Variants in DPP10 observed in about 807,000 individuals in gnomAD.
The protein encoded by DPP10 is inactive dipeptidyl peptidase 10.
A neutral mutation model predicts 120.9 loss-of-function variants in DPP10; 33 were observed. That is an observed-to-expected ratio of 0.27 (90% CI 0.21 to 0.37). The LOEUF is 0.37. Among genes scored for constraint, DPP10 ranks in the 10% least tolerant of loss-of-function variants. The pLI is 1.00. For synonymous variants in DPP10, 337 were observed against 326.1 expected (o/e 1.03, Z -0.36); for missense variants, 816 against 942.8 (o/e 0.87, Z 1.76).
chr2:115,338,007 TTTAG>T (rs2063247908), intron 2 of DPP10, among the ~76,000 whole-genome samples: 1 of 152,048 alleles, frequency 6.6e-6, no homozygotes, highest in Admixed American at 6.6e-5. Flanking sequence ...AAGGGTTGGT[TTTAG>T]AATAAGTTCC....
At chr2:115,243,725 A>G (rs2058393636) in intron 1 of DPP10, among the ~76,000 whole-genome samples, 1 of 151,906 alleles carries the variant, frequency 6.6e-6, no homozygotes, top group African/African-American at 2.4e-5. Flanking sequence ...CATTAGCTCA[A>G]GATGTTGACT....
intron 1 of DPP10, among the ~76,000 whole-genome samples, chr2:115,227,186 T>C (rs1300574865): frequency 6.6e-6 from 1 of 152,182 alleles, no homozygotes; most frequent in African/African-American, 2.4e-5. Flanking sequence ...TCAAATTGCA[T>C]GTATCCTTCC....
intron 1 of DPP10, among the ~76,000 whole-genome samples, chr2:114,753,907 T>TCAAA (rs1488431420): frequency 7.5e-5 from 3 of 40,096 alleles, no homozygotes; most frequent in African/African-American, 3.0e-4. Context: ...AGACTCCTTC[T>TCAAA]CAAAAAAAAA....
intron 5 of DPP10, chr2:115,580,388 A>G (rs1041678919): frequency 3.3e-5 from 5 of 152,216 alleles, no homozygotes; most frequent in African/African-American, 7.2e-5. Context: ...CCAATTGATC[A>G]TTATAATCAA....
At chr2:114,854,954 A>T (rs188438558) in intron 1 of DPP10, among the ~76,000 whole-genome samples, 1 of 152,308 alleles carries the variant, frequency 6.6e-6, no homozygotes, top group Admixed American at 6.5e-5. Flanking sequence ...ATTCAGAAAG[A>T]TCACAATCTG....
intron 1 of DPP10, chr2:115,144,222 A>G (rs959581922): frequency 6.6e-6 from 1 of 152,178 alleles, no homozygotes; most frequent in African/African-American, 2.4e-5. Flanking sequence ...GGAAACACCA[A>G]TGCAACAGAA....
intron 13 of DPP10, among the ~76,000 whole-genome samples, chr2:115,774,339 T>C (rs1180230863): frequency 6.6e-6 from 1 of 152,096 alleles, no homozygotes; most frequent in East Asian, 1.9e-4. Flanking sequence ...GTTTCTTCAC[T>C]TTTTTAATGT....
chr2:114,720,981 C>T (rs1464797735), intron 1 of DPP10, among the ~76,000 whole-genome samples: 1 of 152,196 alleles, frequency 6.6e-6, no homozygotes, highest in Non-Finnish European at 1.5e-5. Flanking sequence ...GAAAACTACC[C>T]AAATTGCAGC....
At chr2:114,767,303 T>A (rs548447563) in intron 1 of DPP10, among the ~76,000 whole-genome samples, 7 of 143,374 alleles carry the variant, frequency 4.9e-5, no homozygotes, top group Non-Finnish European at 1.1e-4. Flanking sequence ...TATATATATA[T>A]AAATATATAA....
At chr2:115,602,458 T>TC (rs1251222512) in intron 5 of DPP10, among the ~76,000 whole-genome samples, 4 of 152,236 alleles carry the variant, frequency 2.6e-5, no homozygotes, top group Non-Finnish European at 5.9e-5. Flanking sequence ...TACTTCTGTG[T>TC]CCTATAAAGG....
intron 1 of DPP10, among the ~76,000 whole-genome samples, chr2:115,282,512 A>G (rs2060200314): frequency 6.6e-6 from 1 of 152,092 alleles, no homozygotes; most frequent in Non-Finnish European, 1.5e-5. Flanking sequence ...CTTACATTTT[A>G]TACTTATAAT....
chr2:114,844,122 T>C (rs1280071877), intron 1 of DPP10, among the ~76,000 whole-genome samples: 1 of 152,078 alleles, frequency 6.6e-6, no homozygotes, highest in Non-Finnish European at 1.5e-5. Flanking sequence ...TTCTTCCCTA[T>C]TTTGTCCTTT....
At chr2:115,306,323 G>A (rs1428900131) in intron 1 of DPP10, among the ~76,000 whole-genome samples, 1 of 152,060 alleles carries the variant, frequency 6.6e-6, no homozygotes, top group Non-Finnish European at 1.5e-5. Context: ...TATGAAAGGG[G>A]TTGGATGGAA....
At chr2:115,381,404 C>G (rs942080922) in intron 3 of DPP10, among the ~76,000 whole-genome samples, 10 of 152,210 alleles carry the variant, frequency 6.6e-5, no homozygotes, top group Non-Finnish European at 1.0e-4. Context: ...TCAGCTCCAT[C>G]AGCTCCTTTA....
intron 3 of DPP10, among the ~76,000 whole-genome samples, chr2:115,344,135 CAA>C (rs751004918): frequency 9.1e-4 from 45 of 49,270 alleles, no homozygotes; most frequent in Admixed American, 1.5e-3. Flanking sequence ...GACTCCATCT[CAA>C]AAAAAAAAAA....
At chr2:115,206,578 C>A (rs912403480) in intron 1 of DPP10, among the ~76,000 whole-genome samples, 16 of 152,086 alleles carry the variant, frequency 1.1e-4, no homozygotes, top group African/African-American at 3.9e-4. Flanking sequence ...CATATTTGTT[C>A]TACAGAAGAC....
chr2:115,295,240 T>C (rs942078627), intron 1 of DPP10, among the ~76,000 whole-genome samples: 7 of 151,994 alleles, frequency 4.6e-5, no homozygotes, highest in Non-Finnish European at 8.8e-5. Context: ...ATTGCCTTAC[T>C]CACCCACACA....
intron 7 of DPP10, among the ~76,000 whole-genome samples, chr2:115,723,009 G>C (rs1238218723): frequency 6.6e-6 from 1 of 152,150 alleles, no homozygotes; most frequent in Non-Finnish European, 1.5e-5. Context: ...TGCTGAGGCT[G>C]GTGTGCCAGA....
intron 5 of DPP10, among the ~76,000 whole-genome samples, chr2:115,652,308 G>A (rs562519735): frequency 5.3e-4 from 81 of 151,918 alleles, no homozygotes; most frequent in South Asian, 2.3e-3. Context: ...ATAGCACAGT[G>A]TCTTGTGTAC....
Sources: allele counts gnomAD v4.1 joint callset (sites outside exome capture counted in the v4.1 genomes callset), GRCh38; gene constraint gnomAD v4.1.1; transcripts MANE v1.5; gene names NCBI Gene and HGNC (gene_info 2026-07-23, HGNC 2026-07-21).